The following COLGALT2 variants were observed in gnomAD, a reference collection of about 807,000 sequenced individuals.
COLGALT2 encodes procollagen galactosyltransferase 2.
A neutral mutation model predicts 73.4 loss-of-function variants in COLGALT2; 49 were observed. That is an observed-to-expected ratio of 0.67 (90% confidence interval 0.53 to 0.85). The LOEUF (loss-of-function observed/expected upper bound fraction) is 0.85. Among genes scored for constraint, COLGALT2 ranks in the 40% least tolerant of loss-of-function variants. COLGALT2 has a pLI of 0.00. For synonymous variants in COLGALT2, 295 were observed against 307.6 expected (o/e 0.96, Z 0.43); for missense variants, 722 against 790.2 (o/e 0.91, Z 1.03).
chr1:184,031,619 T>C (rs1649512437), intron 1 of COLGALT2, among the ~76,000 whole-genome samples: 1 of 152,212 alleles, frequency 6.6e-6, no homozygotes, highest in African/African-American at 2.4e-5. Flanking sequence ...TCTGCAACAT[T>C]AGCTGCCTGG....
At chr1:183,978,132 G>T (rs145143621) in intron 2 of COLGALT2, among the ~76,000 whole-genome samples, 1 of 152,042 alleles carries the variant, frequency 6.6e-6, no homozygotes. Context: ...TTTAAAATAT[G>T]AATAAATAAT....
chr1:183,929,926 G>A (rs776040561), exon 12 of COLGALT2: 3 of 258,936 alleles, frequency 1.2e-5, no homozygotes, highest in Non-Finnish European at 2.3e-5. Context: ...AAACTCCTTA[G>A]TAGCTTTTCT....
At chr1:184,002,076 T>G (rs1671943081) in intron 1 of COLGALT2, among the ~76,000 whole-genome samples, 2 of 152,372 alleles carry the variant, frequency 1.3e-5, no homozygotes, top group Middle Eastern at 3.4e-3. Context: ...TTTTTCCATT[T>G]TGCTGCTACT....
intron 1 of COLGALT2, among the ~76,000 whole-genome samples, chr1:184,034,109 G>A (rs1649596181): frequency 6.6e-6 from 1 of 152,118 alleles, no homozygotes; most frequent in African/African-American, 2.4e-5. Context: ...CCATCAGAGT[G>A]TTATATCTCA....
chr1:184,031,442 C>G (rs1649506634), intron 1 of COLGALT2, among the ~76,000 whole-genome samples: 1 of 152,192 alleles, frequency 6.6e-6, no homozygotes, highest in African/African-American at 2.4e-5. Flanking sequence ...ATTATCAAGA[C>G]AGCGGAAGAG....
At chr1:184,008,311 G>C (rs938866205) in intron 1 of COLGALT2, among the ~76,000 whole-genome samples, 1 of 152,158 alleles carries the variant, frequency 6.6e-6, no homozygotes, top group African/African-American at 2.4e-5. Context: ...GATTAAAGGA[G>C]ACTAAAGAGA....
chr1:184,010,732 C>A (rs986804840), intron 1 of COLGALT2, among the ~76,000 whole-genome samples: 1 of 152,104 alleles, frequency 6.6e-6, no homozygotes, highest in Admixed American at 6.5e-5. Flanking sequence ...TGAGGGCCAC[C>A]AAATACCCTG....
chr1:183,979,876 A>G (rs955867573), intron 1 of COLGALT2, among the ~76,000 whole-genome samples: 1 of 152,066 alleles, frequency 6.6e-6, no homozygotes, highest in Non-Finnish European at 1.5e-5. Flanking sequence ...CAACAATTAC[A>G]TCCCAAAGAA....
intron 3 of COLGALT2, among the ~76,000 whole-genome samples, chr1:183,974,053 A>G (rs1160234631): frequency 1.3e-5 from 2 of 152,268 alleles, no homozygotes; most frequent in Non-Finnish European, 2.9e-5. Context: ...GGCACAAGAT[A>G]TTAATGGCTC....
intron 1 of COLGALT2, among the ~76,000 whole-genome samples, chr1:184,017,792 A>G (rs1649053585): frequency 6.6e-6 from 1 of 152,184 alleles, no homozygotes; most frequent in African/African-American, 2.4e-5. Flanking sequence ...GGGCCTGGGC[A>G]GGTCACTGTT....
chr1:184,037,490 CG>C lies in COLGALT2; in HGVS notation c.-134del. 8.5e-7 allele frequency: 1 copy of C among 1,177,666 alleles called. No individual in the cohort carries two copies. The highest frequency in any genetic ancestry group is 1.0e-6 in the Non-Finnish European group (1 of 954,736). The allele number at this position is 1,177,666 out of a possible 1,614,324, so 73.0% of individuals were successfully genotyped here. A position where few individuals can be genotyped will look rare whatever the true frequency, so the allele number is the denominator to read the frequency against. On this transcript the variant is annotated 5_prime_UTR_variant, in exon 1 of 12. Coordinates refer to ENST00000361927, the MANE Select transcript of COLGALT2 (RefSeq NM_015101.4). ...GGGGATGCGGCTTGCCGCGGCCGGC[CG>C]GCTCACACACTGGCCTCGGCGGCTG...
intron 1 of COLGALT2, among the ~76,000 whole-genome samples, chr1:183,999,897 G>C (rs1671869381): frequency 6.6e-6 from 1 of 151,584 alleles, no homozygotes; most frequent in Non-Finnish European, 1.5e-5. Context: ...AGTCCTCTTT[G>C]ATATCTTCAG....
intron 6 of COLGALT2, 102 bp downstream of exon 6, chr1:183,963,799 T>C: frequency 8.0e-7 from 1 of 1,252,082 alleles, no homozygotes; most frequent in Non-Finnish European, 1.1e-6. Flanking sequence ...CAGGGGAGAC[T>C]GATGGCTGTG....
chr1:183,994,958 T>C (rs1671732449), intron 1 of COLGALT2, among the ~76,000 whole-genome samples: 1 of 152,142 alleles, frequency 6.6e-6, no homozygotes, highest in Non-Finnish European at 1.5e-5. Flanking sequence ...CAGAAGGCGG[T>C]ATGGTGAAGT....
Position 184,037,155 on chromosome 1 carries a change from A to C in COLGALT2, c.203T>G (p.Leu68Arg). 6.2e-7 allele frequency: 1 copy of C among 1,601,878 alleles called. No individual in the cohort carries two copies. Among genetic ancestry groups the C allele is most frequent in the Non-Finnish European group, 8.5e-7 (1 of 1,175,902 alleles). Residue 68 changes from leucine to arginine, a missense_variant, in exon 1 of 12, where the codon CTG becomes CGG. By Grantham distance (102) the Leu-to-Arg change is moderately radical. Coordinates refer to ENST00000361927, the MANE Select transcript of COLGALT2 (RefSeq NM_015101.4). The stretch of plus-strand genomic sequence containing the variant: ...CTCCAGGCAGCCGAGGAAGTGCGGC[A>C]GCGTGTGCGCCGCGTTGCGGGCGAG... ...AVLARNAAHT[L>R]PHFLGCLERL... is the part of the protein sequence containing the mutation.
At chr1:183,952,709 G>GAAATTGTCC (rs1180838102) in intron 7 of COLGALT2, among the ~76,000 whole-genome samples, 1 of 152,190 alleles carries the variant, frequency 6.6e-6, no homozygotes, top group Non-Finnish European at 1.5e-5. Flanking sequence ...TCCCTTTGAA[G>GAAATTGTCC]AAATTGTCCA....
At chr1:183,998,597 T>C (rs1307247410) in intron 1 of COLGALT2, among the ~76,000 whole-genome samples, 1 of 152,156 alleles carries the variant, frequency 6.6e-6, no homozygotes, top group Non-Finnish European at 1.5e-5. Context: ...ATAATCAGCA[T>C]CTCAGAGTGC....
chr1:183,996,841 A>G lies in COLGALT2; in HGVS notation c.264-18321T>C, dbSNP rs1214235482. 2.0e-5 allele frequency among the ~76,000 whole-genome samples: 3 copies of G among 152,228 alleles called. No homozygotes were observed. The East Asian group carries it at 5.8e-4, about 29-fold the overall frequency. On this transcript the variant is annotated intron_variant, in intron 1 of 11. Transcript: ENST00000361927. ...GGGTTGAGGAAATGACCTATTATAAATGGGGTGAATATGCACCCAGAGGGC... is the reference window on the plus strand; with the variant it reads ...GGGTTGAGGAAATGACCTATTATAAGTGGGGTGAATATGCACCCAGAGGGC...
At chr1:183,964,074 G>A in intron 5 of COLGALT2, 54 bp from the exon 6 acceptor site, 1 of 1,594,688 alleles carries the variant, frequency 6.3e-7, no homozygotes, top group Middle Eastern at 1.7e-4. Context: ...ACTGCTGAGT[G>A]ACAAGCGAGG....
Sources: gnomAD v4.1 joint callset for allele counts (sites outside exome capture counted in the v4.1 genomes callset) on GRCh38, gnomAD v4.1.1 for gene constraint, MANE v1.5 for transcripts, NCBI Gene and HGNC (gene_info 2026-07-23, HGNC 2026-07-21) for gene names.